AGTPBP1: variants seen among roughly 807,000 people sequenced by gnomAD.
The protein encoded by AGTPBP1 is ATP/GTP binding carboxypeptidase 1.
In AGTPBP1, 70 loss-of-function variants were observed where a neutral mutation model predicts 143.9. That is an observed-to-expected ratio of 0.49 (90% CI 0.40 to 0.59). The LOEUF is 0.59. AGTPBP1 is among the 20% of genes least tolerant of loss of function. The probability of loss-of-function intolerance (pLI) is 0.00; values close to 1 mark genes in which losing one functional copy is unlikely to be tolerated. For missense variants in AGTPBP1, 1,229 were observed against 1,464.5 expected, an observed-to-expected ratio of 0.84 and a Z score of 2.62; for synonymous variants, 463 against 500.2, an observed-to-expected ratio of 0.93 and a Z score of 0.99.
At chr9:85,597,798 T>C (rs911032468) in intron 17 of AGTPBP1, among the ~76,000 whole-genome samples, 2 of 143,298 alleles carry the variant, frequency 1.4e-5, no homozygotes, top group Non-Finnish European at 3.0e-5. Flanking sequence ...TAAATTATGT[T>C]GACAGGTTTC....
chr9:85,757,946 T>G, the AGTPBP1 span, among the ~76,000 whole-genome samples: 2 of 152,240 alleles, frequency 1.3e-5, no homozygotes, highest in African/African-American at 4.8e-5. Flanking sequence ...ATATGAATTG[T>G]GAAACATCTA....
At chr9:85,734,121 C>T (rs1247720314) in intron 1 of AGTPBP1, among the ~76,000 whole-genome samples, 3 of 152,002 alleles carry the variant, frequency 2.0e-5, no homozygotes, top group Admixed American at 1.3e-4. Context: ...GGCGTGGTGG[C>T]GCGTGTCTGT....
the AGTPBP1 span, among the ~76,000 whole-genome samples, chr9:85,784,116 C>T: frequency 6.6e-6 from 1 of 152,208 alleles, no homozygotes; most frequent in East Asian, 1.9e-4. Flanking sequence ...CTGCATTCTA[C>T]TTGTATTTAA....
chr9:85,753,227 AG>A, the AGTPBP1 span: 10 of 1,544,056 alleles, frequency 6.5e-6, no homozygotes, highest in Admixed American at 2.0e-4. Flanking sequence ...AAAAAAAGAA[AG>A]AAAAAAAAAA....
At chr9:85,692,328 CAGTGG>C (rs1835933321) in intron 3 of AGTPBP1, among the ~76,000 whole-genome samples, 2 of 149,384 alleles carry the variant, frequency 1.3e-5, no homozygotes, top group Admixed American at 1.3e-4. Context: ...GGCTGGAGTG[CAGTGG>C]CACGATCTCA....
At chr9:85,547,395 G>T in intron 25 of AGTPBP1, 109 bp from the exon 26 acceptor site, 1 of 924,192 alleles carries the variant, frequency 1.1e-6, no homozygotes, top group Admixed American at 3.8e-5. Context: ...AATATAAGCT[G>T]CATTAACTTT....
chr9:85,621,336 A>ACTTT (rs775485633), intron 14 of AGTPBP1, 51 bp from the exon 15 acceptor site: 12 of 869,078 alleles, frequency 1.4e-5, no homozygotes, highest in Admixed American at 3.0e-5. Flanking sequence ...CTAATGTACA[A>ACTTT]CTTTCTCCAA....
chr9:85,697,651 A>G (rs962075398), intron 2 of AGTPBP1, among the ~76,000 whole-genome samples: 2 of 151,710 alleles, frequency 1.3e-5, no homozygotes, highest in Admixed American at 1.3e-4. Context: ...ACGGGGTTTC[A>G]CTGTGTTAGC....
At chr9:85,661,183 G>C (rs1390062135) in intron 8 of AGTPBP1, among the ~76,000 whole-genome samples, 2 of 151,788 alleles carry the variant, frequency 1.3e-5, no homozygotes, top group African/African-American at 4.8e-5. Context: ...AATATCAATA[G>C]ATAGGAACAA....
chr9:85,735,787 T>C (rs776419592), intron 1 of AGTPBP1, among the ~76,000 whole-genome samples: 19 of 152,218 alleles, frequency 1.2e-4, no homozygotes, highest in Non-Finnish European at 2.6e-4. Context: ...TTCATTAAAC[T>C]CTATTACATG....
chr9:85,547,283 A>G lies in AGTPBP1; in HGVS notation c.3507T>C (p.Pro1169=). 6.2e-7 allele frequency: 1 copy of G among 1,608,028 alleles called. No homozygotes were observed. Among genetic ancestry groups the G allele is most frequent in the Non-Finnish European group, 8.5e-7 (1 of 1,177,638 alleles). The change falls in exon 26 of 26, where the codon CCT becomes CCC. Residue 1169 remains proline, a synonymous_variant. Transcript: ENST00000357081. The stretch of plus-strand genomic sequence containing the variant: ...CATCTTCATCCAAGACATAAGTGGT[A>G]GGGCTGCAGCCAAAACACACAGAAC... The part of the protein sequence containing the change: ...LIESSCKVTS[P]TTYVLDEDEP...
At chr9:85,587,485 A>G (rs1406643252) in intron 21 of AGTPBP1, among the ~76,000 whole-genome samples, 1 of 152,222 alleles carries the variant, frequency 6.6e-6, no homozygotes, top group East Asian at 1.9e-4. Flanking sequence ...AAATAAGCAG[A>G]TAATCATAAA....
intron 13 of AGTPBP1, among the ~76,000 whole-genome samples, chr9:85,640,714 T>C (rs1410760016): frequency 1.7e-5 from 2 of 117,614 alleles, no homozygotes; most frequent in Non-Finnish European, 3.2e-5. Context: ...ACAGGGAATC[T>C]AAACATAGAA....
intron 25 of AGTPBP1, among the ~76,000 whole-genome samples, chr9:85,561,740 T>C (rs1341526310): frequency 6.6e-6 from 1 of 151,926 alleles, no homozygotes; most frequent in African/African-American, 2.4e-5. Flanking sequence ...TCTGAAAGTA[T>C]CTAACAACAG....
chr9:85,741,516 C>T (rs1824277107), intron 1 of AGTPBP1: 3 of 985,438 alleles, frequency 3.0e-6, no homozygotes, highest in Non-Finnish European at 3.6e-6. Context: ...GACGGGGATC[C>T]ACCGAGGGTC....
chr9:85,755,624 A>G, the AGTPBP1 span, among the ~76,000 whole-genome samples: 3 of 152,242 alleles, frequency 2.0e-5, no homozygotes, highest in Admixed American at 2.0e-4. Flanking sequence ...ACTGTGGCCC[A>G]GGCAATATAC....
chr9:85,546,932 G>A lies in AGTPBP1; in HGVS notation c.*177C>T, dbSNP rs1825771508. The A allele has an allele frequency of 3.9e-6, 2 of 512,546 alleles. No individual in the cohort carries two copies. Among genetic ancestry groups the A allele is most frequent in the Non-Finnish European group, 3.2e-6 (1 of 313,462 alleles). 31.7% of individuals were successfully genotyped at this position (512,546 alleles called of 1,614,324 possible). On this transcript the variant is annotated 3_prime_UTR_variant, in exon 26 of 26. Coordinates refer to ENST00000357081, the MANE Select transcript of AGTPBP1 (RefSeq NM_001330701.2). ...GCATTGAATATCGAAAATAAAACAAGCGCCAATTTTATCATTAATTAATAA... is the reference window on the plus strand; with the variant it reads ...GCATTGAATATCGAAAATAAAACAAACGCCAATTTTATCATTAATTAATAA...
In AGTPBP1 at chr9:85,741,879, A is replaced by G. The variant is rs910971281; in HGVS notation, c.-138T>C. 7.2e-7 allele frequency: 1 copy of G among 1,388,030 alleles called. No individual in the cohort carries two copies. The allele number at this position is 1,388,030 out of a possible 1,614,324, so 86.0% of individuals were successfully genotyped here. On this transcript the variant is annotated 5_prime_UTR_variant, in exon 1 of 26. Transcript: ENST00000357081. ...GCCGCCCGCCGCCCGGTGTTTTCATACAAACCCCGGTGGCAGGCGAGGCGG... is the reference window on the plus strand; with the variant it reads ...GCCGCCCGCCGCCCGGTGTTTTCATGCAAACCCCGGTGGCAGGCGAGGCGG...
chr9:85,708,708 A>G (rs916198321), intron 2 of AGTPBP1, among the ~76,000 whole-genome samples: 1 of 151,570 alleles, frequency 6.6e-6, no homozygotes, highest in African/African-American at 2.4e-5. Context: ...CGTAGTTTTT[A>G]TATTTTTAGT....
Sources: allele counts gnomAD v4.1 joint callset (sites outside exome capture counted in the v4.1 genomes callset), GRCh38; gene constraint gnomAD v4.1.1; transcripts MANE v1.5; gene names NCBI Gene and HGNC (gene_info 2026-07-23, HGNC 2026-07-21).